The following ARRB1 variants were observed in gnomAD, a reference collection of about 807,000 sequenced individuals.
ARRB1 encodes the protein arrestin beta 1, also known as beta-arrestin-1.
Under a neutral mutation model 56.8 loss-of-function variants are expected in ARRB1, and 21 were observed. The observed-to-expected ratio is 0.37, with a 90% confidence interval of 0.26 to 0.53. The LOEUF (loss-of-function observed/expected upper bound fraction) is 0.53, where lower values mean the gene tolerates loss of function less well. Ranked by LOEUF, ARRB1 falls within the 20% of genes least tolerant of loss-of-function variation. ARRB1 has a pLI of 0.88. For synonymous variants in ARRB1, 210 were observed against 218.6 expected (o/e 0.96, Z 0.35); for missense variants, 424 against 553.7 (o/e 0.77, Z 2.35).
chr11:75,346,091 C>T (rs1444115496), intron 1 of ARRB1, among the ~76,000 whole-genome samples: 1 of 152,118 alleles, frequency 6.6e-6, no homozygotes, highest in Non-Finnish European at 1.5e-5. Flanking sequence ...CCTTCCTCCA[C>T]AGCCTCACCC....
chr11:75,321,152 C>T (rs543947784), intron 1 of ARRB1, among the ~76,000 whole-genome samples: 2 of 152,228 alleles, frequency 1.3e-5, no homozygotes, highest in East Asian at 1.9e-4. Flanking sequence ...AGGAGAGGCA[C>T]AAGGTAAAGT....
intron 14 of ARRB1, among the ~76,000 whole-genome samples, chr11:75,268,187 A>C (rs567148027): frequency 1.3e-5 from 2 of 152,280 alleles, no homozygotes; most frequent in African/African-American, 4.8e-5. Flanking sequence ...ATTCAATGAA[A>C]TATGACCAAT....
chr11:75,331,999 T>G (rs1480473235), intron 1 of ARRB1, among the ~76,000 whole-genome samples: 1 of 151,948 alleles, frequency 6.6e-6, no homozygotes, highest in East Asian at 2.0e-4. Context: ...TTCCTTCTCC[T>G]GGACAATAAG....
Position 75,283,409 on chromosome 11 carries a change from C to T in ARRB1, c.232G>A (p.Asp78Asn). The change falls in exon 5 of 16, where the codon GAC becomes AAC. Residue 78 changes from aspartate (D) to asparagine (N), a missense_variant. By Grantham distance (23) the Asp-to-Asn change is conservative. Transcript: ENST00000420843. ...GACTGTACGTTGGCCACAAACAGGT[C>T]CTTGCGAAAGGTCAGGCCCAGGACA... ...LDVLGLTFRK[D>N]LFVANVQSFP... The T allele has an allele frequency of 6.2e-7, 1 of 1,614,158 alleles. No individual in the cohort carries two copies.
intron 1 of ARRB1, among the ~76,000 whole-genome samples, chr11:75,301,504 G>A (rs916591473): frequency 4.6e-5 from 7 of 152,204 alleles, no homozygotes; most frequent in African/African-American, 1.7e-4. Context: ...TTTGAGGGGA[G>A]GGAGAATGAC....
rs60898398 is a variant in ARRB1 at position 75,294,598 on chromosome 11, TAAA to T, written c.21-4562_21-4560del. Among the ~76,000 whole-genome samples, 734 of 75,076 alleles carry T rather than the reference TAAA, an allele frequency of 9.8e-3. 15 individuals are homozygous for T. Among genetic ancestry groups the T allele is most frequent in the African/African-American group, 0.025 (528 of 21,202 alleles). The allele number at this position is 75,076 out of a possible 152,430, so 49.3% of individuals were successfully genotyped here. On this transcript the variant is annotated intron_variant, in intron 1 of 15. Transcript: ENST00000420843. ...ATAAATAAATAAATAAATAAATAAA[TAAA>T]TAAATAACTTAAAATATTTTTTTAA...
chr11:75,280,504 G>A (rs559377146), intron 7 of ARRB1, among the ~76,000 whole-genome samples: 3 of 152,312 alleles, frequency 2.0e-5, no homozygotes, highest in East Asian at 1.9e-4. Context: ...TGAGACATCC[G>A]GGCCAGCTGT....
chr11:75,312,118 A>C, intron 1 of ARRB1: 1 of 1,289,338 alleles, frequency 7.8e-7, no homozygotes, highest in Non-Finnish European at 1.0e-6. Context: ...CATCTCTTGC[A>C]GTGGCTGCTG....
intron 10 of ARRB1, chr11:75,274,527 C>T: frequency 4.3e-6 from 1 of 234,274 alleles, no homozygotes; most frequent in Admixed American, 5.0e-5. Context: ...TGCAGTGGCT[C>T]ACGCCTGTAA....
intron 1 of ARRB1, chr11:75,312,225 C>G (rs1206137114): frequency 9.0e-7 from 1 of 1,115,438 alleles, no homozygotes; most frequent in Admixed American, 2.3e-5. Context: ...ATGGGAAATG[C>G]ACCGCCAGGA....
chr11:75,341,320 T>G (rs1193032712), intron 1 of ARRB1, among the ~76,000 whole-genome samples: 1 of 152,018 alleles, frequency 6.6e-6, no homozygotes, highest in Non-Finnish European at 1.5e-5. Context: ...GTATTTTTAG[T>G]AGAGACGAGG....
intron 1 of ARRB1, among the ~76,000 whole-genome samples, chr11:75,338,311 A>G (rs1426886602): frequency 6.6e-6 from 1 of 152,162 alleles, no homozygotes; most frequent in Non-Finnish European, 1.5e-5. Flanking sequence ...CTAGAAGACA[A>G]TTGTAATGAT....
In ARRB1 at chr11:75,265,807, G is replaced by C. The variant is rs2140389530; in HGVS notation, c.*356C>G. The C allele has an allele frequency of 3.4e-6, 1 of 295,602 alleles. No homozygotes were observed. The highest frequency in any genetic ancestry group is 2.2e-5 in the African/African-American group (1 of 46,170). 18.3% of individuals were successfully genotyped at this position (295,602 alleles called of 1,614,324 possible). ...TGAGCCCTCATCCCCACCCCTCCAA[G>C]CCCTCATGCCCACCACACCGTGTCC... On this transcript the variant is annotated 3_prime_UTR_variant, in exon 16 of 16. Coordinates refer to ENST00000420843, the MANE Select transcript of ARRB1 (RefSeq NM_004041.5).
intron 10 of ARRB1, 94 bp downstream of exon 10, chr11:75,276,745 G>A (rs1036333760): frequency 5.4e-6 from 7 of 1,300,406 alleles, no homozygotes; most frequent in Non-Finnish European, 7.7e-6. Flanking sequence ...CTGCCAGGTG[G>A]AGAAGAGCCA....
chr11:75,320,548 A>G (rs1274174364), intron 1 of ARRB1, among the ~76,000 whole-genome samples: 2 of 152,178 alleles, frequency 1.3e-5, no homozygotes, highest in Middle Eastern at 3.2e-3. Context: ...GGGAGGGATC[A>G]GTCATCAGGG....
At chr11:75,334,059 C>T (rs1226666051) in intron 1 of ARRB1, among the ~76,000 whole-genome samples, 4 of 152,152 alleles carry the variant, frequency 2.6e-5, no homozygotes, top group South Asian at 2.1e-4. Context: ...AGGCCGGGCG[C>T]GGTGGCTCAC....
At chr11:75,349,187 G>A (rs772396086) in intron 1 of ARRB1, among the ~76,000 whole-genome samples, 21 of 152,222 alleles carry the variant, frequency 1.4e-4, no homozygotes, top group Admixed American at 5.9e-4. Flanking sequence ...TGGGGCTGCA[G>A]GAGAGTCTGA....
At chr11:75,283,613 C>T (rs1427069799) in intron 4 of ARRB1, 130 bp from the exon 5 acceptor site, 2 of 871,000 alleles carry the variant, frequency 2.3e-6, no homozygotes, top group East Asian at 5.4e-5. Context: ...GTGGGGATGG[C>T]TGCACTGTCT....
chr11:75,288,997 C>A (rs1433785846), intron 2 of ARRB1, among the ~76,000 whole-genome samples: 1 of 152,206 alleles, frequency 6.6e-6, no homozygotes. Context: ...AGTGCCAAGT[C>A]TGATCTACCG....
Sources: gnomAD v4.1 joint callset for allele counts (sites outside exome capture counted in the v4.1 genomes callset) on GRCh38, gnomAD v4.1.1 for gene constraint, MANE v1.5 for transcripts, NCBI Gene and HGNC (gene_info 2026-07-23, HGNC 2026-07-21) for gene names.